The following FUT8 variants were observed in gnomAD, a reference collection of about 807,000 sequenced individuals.
The protein encoded by FUT8 is alpha-(1,6)-fucosyltransferase.
In FUT8, 29 loss-of-function variants were observed where a neutral mutation model predicts 71.3. The observed-to-expected ratio is 0.41, with a 90% CI of 0.30 to 0.55. The LOEUF is 0.55. FUT8 is among the 20% of genes least tolerant of loss of function. FUT8 has a pLI of 0.34. For missense variants in FUT8, 544 were observed against 702.1 expected (o/e 0.77, Z 2.55); for synonymous variants, 254 against 239.3 (o/e 1.06, Z -0.57).
intron 7 of FUT8, among the ~76,000 whole-genome samples, chr14:65,704,546 A>T (rs1286216684): frequency 6.7e-6 from 1 of 149,580 alleles, no homozygotes; most frequent in Non-Finnish European, 1.5e-5. Context: ...AACTTATTTA[A>T]AAAAAATAGA....
chr14:65,382,085 G>A, the FUT8 span, among the ~76,000 whole-genome samples: 2 of 152,118 alleles, frequency 1.3e-5, no homozygotes, highest in Admixed American at 6.5e-5. Context: ...TCACCTCTCC[G>A]TGGCATGTGA....
chr14:65,669,880 T>C lies in FUT8; in HGVS notation c.835+400T>C, dbSNP rs1351933123. ...GTAGCATGAGCATGCATGAGAATCA[T>C]CTGGAAGGTTTCATAAAACTCCATT... On this transcript the variant is annotated intron_variant, in intron 7 of 10. Coordinates refer to ENST00000673929, the MANE Select transcript of FUT8 (RefSeq NM_001371533.1). The surrounding 1 kb of genome is among the most constrained non-coding windows in gnomAD (Gnocchi z 4.5). Among the ~76,000 whole-genome samples the C allele has an allele frequency of 6.6e-6, 1 of 152,180 alleles. No homozygotes were observed. Among genetic ancestry groups the C allele is most frequent in the Non-Finnish European group, 1.5e-5 (1 of 68,018 alleles).
intron 2 of FUT8, among the ~76,000 whole-genome samples, chr14:65,477,283 G>A (rs182287200): frequency 6.6e-6 from 1 of 152,264 alleles, no homozygotes; most frequent in East Asian, 1.9e-4. Context: ...ACAGTTCCTG[G>A]CATGAAGTAA....
chr14:65,392,352 T>C, the FUT8 span, among the ~76,000 whole-genome samples: 17 of 152,236 alleles, frequency 1.1e-4, no homozygotes, highest in African/African-American at 4.1e-4. Flanking sequence ...CAGCTAAGTA[T>C]TCCCTGGAAG....
chr14:65,667,645 A>G (rs1261147258), intron 6 of FUT8, among the ~76,000 whole-genome samples: 2 of 152,176 alleles, frequency 1.3e-5, no homozygotes. Flanking sequence ...ACTACCGATG[A>G]CATTCTTCAC....
At chr14:65,713,372 G>T (rs530457332) in intron 7 of FUT8, among the ~76,000 whole-genome samples, 56 of 152,284 alleles carry the variant, frequency 3.7e-4, no homozygotes, top group Non-Finnish European at 6.8e-4. Context: ...GGGAGTTCAG[G>T]TATCTCTTTG....
intron 2 of FUT8, among the ~76,000 whole-genome samples, chr14:65,532,743 C>T (rs931870926): frequency 3.3e-5 from 5 of 152,008 alleles, no homozygotes; most frequent in Admixed American, 1.3e-4. Flanking sequence ...GTATTGCCTA[C>T]GTTGTATTCC....
intron 9 of FUT8, among the ~76,000 whole-genome samples, chr14:65,727,795 C>T (rs913196215): frequency 2.6e-5 from 4 of 152,132 alleles, no homozygotes; most frequent in African/African-American, 9.7e-5. Context: ...GCAAATTTTC[C>T]AAACTTTTAT....
rs533192390 is a variant in FUT8, at chr14:65,452,157, T to A, written c.-325-3464T>A. Among the ~76,000 whole-genome samples the A allele has an allele frequency of 9.8e-5, 15 of 152,346 alleles. No individual in the cohort carries two copies. The South Asian group carries it at 3.1e-3, about 32-fold the overall frequency. On this transcript the variant is annotated intron_variant, in intron 1 of 10. Coordinates refer to ENST00000673929, the MANE Select transcript of FUT8 (RefSeq NM_001371533.1). The stretch of plus-strand genomic sequence containing the variant: ...CTATTTATGCTTCTTTGCTTTAGGA[T>A]AACTTATTGACATATAAGTGGTATT...
intron 2 of FUT8, among the ~76,000 whole-genome samples, chr14:65,484,934 A>G (rs562252262): frequency 1.1e-4 from 16 of 151,532 alleles, no homozygotes; most frequent in African/African-American, 2.7e-4. Context: ...TGTTAATTCT[A>G]TGTAGTTTTT....
chr14:65,626,215 C>G (rs1159232866), intron 5 of FUT8, among the ~76,000 whole-genome samples: 1 of 148,372 alleles, frequency 6.7e-6, no homozygotes, highest in Admixed American at 6.7e-5. Flanking sequence ...CTGAGGACCT[C>G]TAGCATTAAA....
intron 3 of FUT8, among the ~76,000 whole-genome samples, chr14:65,585,237 G>A (rs1470517102): frequency 6.6e-6 from 1 of 152,064 alleles, no homozygotes; most frequent in Non-Finnish European, 1.5e-5. Flanking sequence ...CTGCTGTCCA[G>A]GCTGGAATGC....
chr14:65,406,237 T>C (rs1280846371), upstream of FUT8, among the ~76,000 whole-genome samples: 3 of 152,248 alleles, frequency 2.0e-5, no homozygotes, highest in Admixed American at 2.0e-4. Context: ...TAAGTGCTTT[T>C]TGTATGTTGA....
chr14:65,588,554 G>A (rs919117319), intron 3 of FUT8, among the ~76,000 whole-genome samples: 5 of 152,154 alleles, frequency 3.3e-5, no homozygotes, highest in African/African-American at 4.8e-5. Flanking sequence ...ATGTTTGTGT[G>A]CTTAAGTACT....
chr14:65,620,635 A>G (rs1036555567), intron 5 of FUT8, among the ~76,000 whole-genome samples: 2 of 152,172 alleles, frequency 1.3e-5, no homozygotes, highest in Admixed American at 6.5e-5. Context: ...TGAACCTTCA[A>G]ACCTTCTATT....
intron 1 of FUT8, among the ~76,000 whole-genome samples, chr14:65,426,041 T>TC (rs1171653885): frequency 6.6e-6 from 1 of 151,996 alleles, no homozygotes; most frequent in East Asian, 1.9e-4. Flanking sequence ...TTAACTGTGG[T>TC]CACCATGCTG....
At chr14:65,456,037 G>A (rs1208684593) in intron 2 of FUT8, among the ~76,000 whole-genome samples, 2 of 152,178 alleles carry the variant, frequency 1.3e-5, no homozygotes, top group Non-Finnish European at 2.9e-5. Context: ...CATATTTGGT[G>A]CTAAAAATAA....
At chr14:65,361,717 G>A in the FUT8 span, among the ~76,000 whole-genome samples, 1 of 152,126 alleles carries the variant, frequency 6.6e-6, no homozygotes, top group African/African-American at 2.4e-5. Flanking sequence ...GAACCCGGAG[G>A]TGGAAGTTGC....
rs925958766 is a variant in FUT8, at chr14:65,526,568, G to A, written c.-227-34769G>A. ...GAGCATTTAGCCCATTTACATTTAA[G>A]GTTAATATTGTTATGTGTGAATTTG... On this transcript the variant is annotated intron_variant, in intron 2 of 10. Coordinates refer to ENST00000673929, the MANE Select transcript of FUT8 (RefSeq NM_001371533.1). Among the ~76,000 whole-genome samples, 197 of 152,126 alleles carry A rather than the reference G, an allele frequency of 1.3e-3. 1 individual carries two copies. The highest frequency in any genetic ancestry group is 4.6e-3 in the African/African-American group (191 of 41,494).
Sources: allele counts gnomAD v4.1 joint callset (sites outside exome capture counted in the v4.1 genomes callset), GRCh38; gene constraint gnomAD v4.1.1; non-coding constraint Gnocchi (gnomAD v3.1); transcripts MANE v1.5; gene names NCBI Gene and HGNC (gene_info 2026-07-23, HGNC 2026-07-21).